CAST: variants seen among roughly 807,000 people sequenced by gnomAD.
CAST encodes MIR583 host.
CAST carries 76 observed loss-of-function variants against 119.6 expected under a neutral mutation model. The observed-to-expected ratio is 0.64, with a 90% CI of 0.53 to 0.77. CAST has a LOEUF of 0.77. Ranked by LOEUF, CAST falls within the 30% of genes least tolerant of loss-of-function variation. CAST has a pLI of 0.00. For synonymous variants in CAST, 319 were observed against 331.6 expected, an observed-to-expected ratio of 0.96 and a Z score of 0.41; for missense variants, 953 against 946.5, an observed-to-expected ratio of 1.01 and a Z score of -0.09.
the CAST span, among the ~76,000 whole-genome samples, chr5:96,240,896 A>T: frequency 0.025 from 3,744 of 152,062 alleles, 166 homozygotes; most frequent in African/African-American, 0.085. Flanking sequence ...GTTTATTAGG[A>T]AGGAAATGGA....
At chr5:96,350,272 G>A in the CAST span, among the ~76,000 whole-genome samples, 1 of 151,872 alleles carries the variant, frequency 6.6e-6, no homozygotes, top group African/African-American at 2.4e-5. Context: ...GCACTCTTTT[G>A]AGTCTTTGAT....
At chr5:96,464,329 C>CA in the CAST span, among the ~76,000 whole-genome samples, 1,945 of 151,998 alleles carry the variant, frequency 0.013, 31 homozygotes, top group East Asian at 0.038. Flanking sequence ...TTTGTTCAGT[C>CA]AAAAATGACA....
the CAST span, among the ~76,000 whole-genome samples, chr5:96,128,565 G>A: frequency 1.3e-4 from 20 of 152,050 alleles, no homozygotes; most frequent in African/African-American, 3.9e-4. Flanking sequence ...AGGTGAAAGC[G>A]ACACTATCCT....
rs1581198080 is a variant in CAST, at chr5:96,737,714, A to G, written c.700-135A>G. 5.4e-6 allele frequency: 3 copies of G among 552,874 alleles called. No homozygotes were observed. In the East Asian group the frequency reaches 9.1e-5, roughly 17 times the overall value. 34.2% of individuals were successfully genotyped at this position (552,874 alleles called of 1,614,324 possible). A position where few individuals can be genotyped will look rare whatever the true frequency, so the allele number is the denominator to read the frequency against. On this transcript the variant is annotated intron_variant, in intron 10 of 31. Coordinates refer to ENST00000675179, the MANE Select transcript of CAST (RefSeq NM_001750.7). ...AAAGTCTGTTAAAGACCAGATTTTA[A>G]CTATTTTGGGGAACTATTTGAAGAA...
At chr5:96,766,632 A>T (rs1290065794) in intron 27 of CAST, among the ~76,000 whole-genome samples, 1 of 152,192 alleles carries the variant, frequency 6.6e-6, no homozygotes, top group African/African-American at 2.4e-5. Flanking sequence ...ATTCCCAATC[A>T]CAAATCCTGT....
chr5:96,587,534 C>T (rs1746882283), intron 1 of CAST, among the ~76,000 whole-genome samples: 1 of 152,132 alleles, frequency 6.6e-6, no homozygotes, highest in Admixed American at 6.5e-5. Flanking sequence ...TGTTGGGACA[C>T]AGAAGGTAAG....
At chr5:96,713,081 A>G (rs912357342) in intron 3 of CAST, among the ~76,000 whole-genome samples, 30 of 151,374 alleles carry the variant, frequency 2.0e-4, no homozygotes, top group South Asian at 1.2e-3. Flanking sequence ...TGAATGCACT[A>G]TGGAAGTAGA....
chr5:96,757,245 T>G (rs1766507951), intron 22 of CAST, among the ~76,000 whole-genome samples, 199 bp from the exon 23 acceptor site: 1 of 152,240 alleles, frequency 6.6e-6, no homozygotes, highest in Non-Finnish European at 1.5e-5. Flanking sequence ...CAGGAATGCC[T>G]GGTGCTTGTG....
chr5:96,090,428 G>C, the CAST span, among the ~76,000 whole-genome samples: 1 of 151,556 alleles, frequency 6.6e-6, no homozygotes, highest in African/African-American at 2.4e-5. Context: ...TGAGCTGGCA[G>C]CATCCTCCCC....
chr5:96,045,281 A>C, the CAST span, among the ~76,000 whole-genome samples: 2 of 151,652 alleles, frequency 1.3e-5, no homozygotes, highest in African/African-American at 4.8e-5. Context: ...TGAACCCAGG[A>C]GGCGGAGGTC....
At chr5:96,187,380 C>T in the CAST span, among the ~76,000 whole-genome samples, 18 of 152,122 alleles carry the variant, frequency 1.2e-4, no homozygotes, top group East Asian at 3.3e-3. Flanking sequence ...TTCTTATCTT[C>T]TATAGCTTCA....
the CAST span, among the ~76,000 whole-genome samples, chr5:96,057,002 G>A: frequency 2.6e-5 from 4 of 152,252 alleles, no homozygotes; most frequent in African/African-American, 7.2e-5. Flanking sequence ...AACCAGAACA[G>A]GTTCAGAGTG....
the CAST span, among the ~76,000 whole-genome samples, chr5:96,300,055 G>T: frequency 6.6e-6 from 1 of 151,878 alleles, no homozygotes; most frequent in South Asian, 2.1e-4. Flanking sequence ...TCAATTTGTA[G>T]GTTATCTCTT....
intron 1 of CAST, among the ~76,000 whole-genome samples, chr5:96,544,427 T>C (rs1345960588): frequency 6.6e-6 from 1 of 152,202 alleles, no homozygotes; most frequent in East Asian, 1.9e-4. Flanking sequence ...TAATCACTTT[T>C]TAGTTCTGGA....
At chr5:96,543,212 A>G (rs905549046) in intron 1 of CAST, among the ~76,000 whole-genome samples, 5 of 152,210 alleles carry the variant, frequency 3.3e-5, no homozygotes, top group Non-Finnish European at 7.3e-5. Context: ...CATAAAAAGA[A>G]TGAGTTCGTG....
At chr5:96,109,544 G>C in the CAST span, among the ~76,000 whole-genome samples, 1 of 152,200 alleles carries the variant, frequency 6.6e-6, no homozygotes, top group Admixed American at 6.5e-5. Flanking sequence ...TGTCCTCTAA[G>C]AGTGTTTGGC....
the CAST span, among the ~76,000 whole-genome samples, chr5:96,377,463 T>C: frequency 2.6e-5 from 4 of 152,176 alleles, no homozygotes; most frequent in African/African-American, 9.7e-5. Flanking sequence ...CCATGCCTTT[T>C]CTATATTTAG....
At chr5:96,430,525 T>C in the CAST span, among the ~76,000 whole-genome samples, 1 of 152,192 alleles carries the variant, frequency 6.6e-6, no homozygotes, top group Non-Finnish European at 1.5e-5. Context: ...TTAGCTCTGT[T>C]TTCTCTGCTG....
chr5:96,056,557 T>C, the CAST span, among the ~76,000 whole-genome samples: 1 of 152,174 alleles, frequency 6.6e-6, no homozygotes, highest in East Asian at 1.9e-4. Flanking sequence ...TATGTGAGAT[T>C]CGAAACATCT....
Sources: gnomAD v4.1 joint callset for allele counts (sites outside exome capture counted in the v4.1 genomes callset) on GRCh38, gnomAD v4.1.1 for gene constraint, MANE v1.5 for transcripts, NCBI Gene and HGNC (gene_info 2026-07-23, HGNC 2026-07-21) for gene names.